Variants in KLF12 observed in about 807,000 individuals in gnomAD.
KLF12 encodes the protein KLF transcription factor 12.
A neutral mutation model predicts 37.8 loss-of-function variants in KLF12; 9 were observed. The ratio of observed to expected loss-of-function variants is 0.24; its 90% CI spans 0.14 to 0.42. The LOEUF (loss-of-function observed/expected upper bound fraction) is 0.42. Ranked by LOEUF, KLF12 falls within the 10% of genes least tolerant of loss-of-function variation. The probability of loss-of-function intolerance (pLI) is 1.00; values close to 1 mark genes in which losing one functional copy is unlikely to be tolerated. For missense variants in KLF12, 411 were observed against 516.0 expected (o/e 0.80, Z 1.97); for synonymous variants, 208 against 202.1 (o/e 1.03, Z -0.25).
At chr13:74,279,407 A>G in the KLF12 span, among the ~76,000 whole-genome samples, 70 of 152,150 alleles carry the variant, frequency 4.6e-4, 1 homozygote, top group Non-Finnish European at 5.9e-5. Context: ...AAAACTAACC[A>G]TGCATATTGG....
intron 1 of KLF12, among the ~76,000 whole-genome samples, chr13:74,023,607 G>A (rs117558247): frequency 0.024 from 3,635 of 152,236 alleles, 54 homozygotes; most frequent in Non-Finnish European, 0.041. Flanking sequence ...CTCTGCCTCT[G>A]TGACATGGTG....
In KLF12 at chr13:74,132,645, G is replaced by T. The variant is rs1488440864; in HGVS notation, c.-32+1094C>A. Among the ~76,000 whole-genome samples, 15 of 152,292 alleles carry T rather than the reference G, an allele frequency of 9.8e-5. No individual in the cohort carries two copies. In the South Asian group the frequency reaches 2.9e-3, roughly 29 times the overall value. ...TATTAATACTCTTTAACTCAACACA[G>T]TCAGCTTTTATCAGCTGAAATAAGA... On this transcript the variant is annotated intron_variant, in intron 1 of 7. Coordinates refer to ENST00000377669, the MANE Select transcript of KLF12 (RefSeq NM_007249.5).
Position 73,862,160 on chromosome 13 carries a change from C to T in KLF12, c.124-15787G>A, listed in dbSNP as rs148573770. Among the ~76,000 whole-genome samples, 526 of 151,890 alleles carry T rather than the reference C, an allele frequency of 3.5e-3. 2 individuals carry two copies. Among genetic ancestry groups the T allele is most frequent in the African/African-American group, 7.0e-3 (292 of 41,424 alleles). On this transcript the variant is annotated intron_variant, in intron 3 of 7. Transcript: ENST00000377669. ...TAAATTCACTAAGCATCTGTCTTTCCAGTAAGGATTCCAGACATCAGCCCA... is the reference window on the plus strand; with the variant it reads ...TAAATTCACTAAGCATCTGTCTTTCTAGTAAGGATTCCAGACATCAGCCCA...
chr13:73,986,768 A>G (rs1891837463), intron 2 of KLF12, among the ~76,000 whole-genome samples: 1 of 152,134 alleles, frequency 6.6e-6, no homozygotes, highest in Non-Finnish European at 1.5e-5. Context: ...ACTTGGCCCA[A>G]AGCTGCTGGA....
chr13:74,077,822 A>G (rs1206793029), intron 1 of KLF12, among the ~76,000 whole-genome samples: 1 of 152,108 alleles, frequency 6.6e-6, no homozygotes. Context: ...TCTCTGCCCA[A>G]TTTTCCTTGT....
intron 1 of KLF12, among the ~76,000 whole-genome samples, chr13:74,019,778 C>A (rs1477987055): frequency 6.6e-6 from 1 of 152,164 alleles, no homozygotes; most frequent in Non-Finnish European, 1.5e-5. Context: ...GCATTGAAGC[C>A]CCCTGGTCTT....
chr13:73,926,021 T>A (rs1889357958), intron 3 of KLF12, among the ~76,000 whole-genome samples: 1 of 152,162 alleles, frequency 6.6e-6, no homozygotes, highest in Non-Finnish European at 1.5e-5. Flanking sequence ...TTAGATGGAA[T>A]CTACTCCAGG....
intron 3 of KLF12, among the ~76,000 whole-genome samples, chr13:73,872,529 C>A (rs1364917714): frequency 6.6e-6 from 1 of 152,112 alleles, no homozygotes; most frequent in East Asian, 1.9e-4. Flanking sequence ...AGAAACCCAG[C>A]AGGAAACTGT....
chr13:73,759,671 G>A (rs1879421303), intron 6 of KLF12, among the ~76,000 whole-genome samples: 1 of 152,146 alleles, frequency 6.6e-6, no homozygotes, highest in Admixed American at 6.6e-5. Context: ...GGATGAACAG[G>A]CACAGAGAGG....
intron 5 of KLF12, among the ~76,000 whole-genome samples, chr13:73,809,588 T>C (rs969830695): frequency 2.3e-5 from 3 of 132,390 alleles, no homozygotes; most frequent in African/African-American, 5.6e-5. Flanking sequence ...GATCTATGTA[T>C]AGAATTTTAA....
chr13:73,949,380 G>A (rs1890562096), intron 2 of KLF12, among the ~76,000 whole-genome samples: 1 of 152,182 alleles, frequency 6.6e-6, no homozygotes, highest in South Asian at 2.1e-4. Flanking sequence ...GAGTAGCAAC[G>A]ATTTGGAGAA....
chr13:74,159,811 G>A, the KLF12 span, among the ~76,000 whole-genome samples: 1 of 152,154 alleles, frequency 6.6e-6, no homozygotes, highest in Admixed American at 6.5e-5. Flanking sequence ...CTGAGCTCAG[G>A]AGCTCGAGAC....
intron 6 of KLF12, among the ~76,000 whole-genome samples, chr13:73,735,870 G>A (rs996186036): frequency 1.3e-5 from 2 of 152,040 alleles, no homozygotes; most frequent in Non-Finnish European, 2.9e-5. Flanking sequence ...AGATAAGGAT[G>A]CATAGGCCAA....
At chr13:73,762,777 T>C (rs752815916) in intron 6 of KLF12, among the ~76,000 whole-genome samples, 1 of 152,142 alleles carries the variant, frequency 6.6e-6, no homozygotes, top group Non-Finnish European at 1.5e-5. Flanking sequence ...AGGGCCAATA[T>C]TTCACTAAGA....
chr13:73,971,747 A>G (rs981551503), intron 2 of KLF12, among the ~76,000 whole-genome samples: 1 of 152,212 alleles, frequency 6.6e-6, no homozygotes, highest in Admixed American at 6.5e-5. Context: ...CAGAGCTAAC[A>G]GGCTCGGCAC....
At chr13:74,193,622 C>T in the KLF12 span, among the ~76,000 whole-genome samples, 1 of 152,202 alleles carries the variant, frequency 6.6e-6, no homozygotes, top group Admixed American at 6.5e-5. Flanking sequence ...TCCAAGCCTT[C>T]ATCTACTTTC....
chr13:73,722,179 A>G (rs922504912), intron 6 of KLF12, among the ~76,000 whole-genome samples: 6 of 152,208 alleles, frequency 3.9e-5, no homozygotes, highest in African/African-American at 1.2e-4. Flanking sequence ...ACCTGTAGGT[A>G]GAATGACTTC....
chr13:74,070,174 T>C (rs935545823), intron 1 of KLF12, among the ~76,000 whole-genome samples: 3 of 152,072 alleles, frequency 2.0e-5, no homozygotes, highest in African/African-American at 7.2e-5. Context: ...TCCACAAGAC[T>C]ACAAAGTGAC....
chr13:73,978,268 G>GA (rs1014248674), intron 2 of KLF12, among the ~76,000 whole-genome samples: 1 of 151,232 alleles, frequency 6.6e-6, no homozygotes, highest in Non-Finnish European at 1.5e-5. Flanking sequence ...GCAAAGTTCA[G>GA]AAAAAAAAGA....
Sources: gnomAD v4.1 joint callset for allele counts (sites outside exome capture counted in the v4.1 genomes callset) on GRCh38, gnomAD v4.1.1 for gene constraint, MANE v1.5 for transcripts, NCBI Gene and HGNC (gene_info 2026-07-23, HGNC 2026-07-21) for gene names.